FAM171A1: variants seen among roughly 807,000 people sequenced by gnomAD.
FAM171A1 encodes protein FAM171A1.
A neutral mutation model predicts 74.9 loss-of-function variants in FAM171A1; 23 were observed. That is an observed-to-expected ratio of 0.31 (90% CI 0.22 to 0.44). The LOEUF (loss-of-function observed/expected upper bound fraction) is 0.44. Among genes scored for constraint, FAM171A1 ranks in the 20% least tolerant of loss-of-function variants. The probability of loss-of-function intolerance (pLI) is 1.00; values close to 1 mark genes in which losing one functional copy is unlikely to be tolerated. For synonymous variants in FAM171A1, 527 were observed against 505.7 expected (o/e 1.04, Z -0.57); for missense variants, 1,162 against 1,159.2 (o/e 1.00, Z -0.03).
chr10:15,240,374 T>C (rs1329329983), intron 5 of FAM171A1, among the ~76,000 whole-genome samples: 2 of 146,030 alleles, frequency 1.4e-5, no homozygotes, highest in East Asian at 4.1e-4. Context: ...CACACACACA[T>C]AAAATTATTT....
chr10:15,309,844 T>C (rs1452052685), intron 1 of FAM171A1, among the ~76,000 whole-genome samples: 1 of 152,200 alleles, frequency 6.6e-6, no homozygotes, highest in African/African-American at 2.4e-5. Flanking sequence ...CTGCTAATAT[T>C]TAAACACAGC....
At chr10:15,328,479 T>C (rs10752369) in intron 1 of FAM171A1, among the ~76,000 whole-genome samples, 133,768 of 152,264 alleles carry the variant, frequency 0.88, 58,951 homozygotes, top group East Asian at 0.99. Flanking sequence ...CTGAGCTATT[T>C]TGAACAAGAT....
In FAM171A1 at chr10:15,226,754, T is replaced by C. The variant is rs114771050; in HGVS notation, c.755-5694A>G. Among the ~76,000 whole-genome samples, 1,227 of 152,248 alleles carry C rather than the reference T, an allele frequency of 8.1e-3. 17 individuals carry two copies. The highest frequency in any genetic ancestry group is 0.028 in the African/African-American group (1,170 of 41,544). ...TCCTTAAGAATACAGAGGTGGGGATTATAAGTTGTTTGCTCTTGCGCTGAA... is the reference window on the plus strand; with the variant it reads ...TCCTTAAGAATACAGAGGTGGGGATCATAAGTTGTTTGCTCTTGCGCTGAA... On this transcript the variant is annotated intron_variant, in intron 5 of 7. Coordinates refer to ENST00000378116, the MANE Select transcript of FAM171A1 (RefSeq NM_001010924.2).
At chr10:15,221,745 C>T (rs151200988) in intron 5 of FAM171A1, among the ~76,000 whole-genome samples, 4 of 152,074 alleles carry the variant, frequency 2.6e-5, no homozygotes, top group African/African-American at 9.6e-5. Flanking sequence ...ATCTATAATT[C>T]TCACCACAAC....
chr10:15,351,567 C>CGATGGATGGATGGATGGATGGATGGATG (rs757265914), intron 1 of FAM171A1, among the ~76,000 whole-genome samples: 207 of 146,464 alleles, frequency 1.4e-3, no homozygotes, highest in African/African-American at 4.1e-3. Flanking sequence ...AAAGTAGGGA[C>CGATGGATGGATGGATGGATGGATGGATG]GATGGATGGA....
intron 1 of FAM171A1, among the ~76,000 whole-genome samples, chr10:15,327,358 T>A (rs1490246991): frequency 6.6e-6 from 1 of 152,094 alleles, no homozygotes; most frequent in East Asian, 1.9e-4. Context: ...TATAAGAATG[T>A]CACAAATATG....
chr10:15,285,139 G>A (rs1210997268), intron 1 of FAM171A1, among the ~76,000 whole-genome samples: 1 of 152,202 alleles, frequency 6.6e-6, no homozygotes, highest in Non-Finnish European at 1.5e-5. Context: ...CAGCTACAGT[G>A]AAGGAGAGGA....
chr10:15,268,447 G>C (rs1037746647), intron 3 of FAM171A1, among the ~76,000 whole-genome samples: 1 of 152,090 alleles, frequency 6.6e-6, no homozygotes, highest in Admixed American at 6.5e-5. Flanking sequence ...ACAATTCCTC[G>C]AGTTTTGGCC....
intron 1 of FAM171A1, among the ~76,000 whole-genome samples, chr10:15,360,320 A>G (rs1835979136): frequency 6.6e-6 from 1 of 152,208 alleles, no homozygotes; most frequent in Non-Finnish European, 1.5e-5. Context: ...ACCCATGTAA[A>G]TGGTGAGACA....
rs147679713 is a variant in FAM171A1, at chr10:15,213,160, C to T, written c.2428G>A (p.Asp810Asn). Residue 810 changes from aspartate to asparagine, a missense_variant, in exon 8 of 8, where the codon GAC becomes AAC. Physicochemically the swap from Asp to Asn is conservative, Grantham distance 23. Transcript: ENST00000378116. The surrounding 1 kb of genome is among the most constrained non-coding windows in gnomAD (Gnocchi z 6.8). ...TCCAACAAGCATCGCAGGGCACTGT[C>T]CTCGGGGGTACAGACCGTGGTCCCA... The part of the protein sequence containing the change: ...ECGTTVCTPE[D>N]SALRCLLEGS... 22 of 1,614,046 alleles carry T rather than the reference C, an allele frequency of 1.4e-5. No homozygotes were observed. The highest frequency in any genetic ancestry group is 1.7e-6 in the Non-Finnish European group (2 of 1,180,052).
At position 15,256,465 on chromosome 10, in the gene FAM171A1, T is replaced by G. The variant is rs1834581892; in HGVS notation, c.419-1586A>C. Among the ~76,000 whole-genome samples the G allele has an allele frequency of 2.0e-5, 3 of 152,210 alleles. No homozygotes were observed. The South Asian group carries it at 6.2e-4, about 32-fold the overall frequency. ...ACTTCTCCAGGGGCTGGTTCTCCAC[T>G]CTGTGAAATCCAGGCCCAGGTTTAG... On this transcript the variant is annotated intron_variant, in intron 3 of 7. Transcript: ENST00000378116.
At chr10:15,232,915 T>A (rs112672987) in intron 5 of FAM171A1, among the ~76,000 whole-genome samples, 59 of 152,324 alleles carry the variant, frequency 3.9e-4, no homozygotes, top group African/African-American at 1.3e-3. Flanking sequence ...CAGGGTTGCT[T>A]TGGGAATAAT....
chr10:15,258,784 T>C (rs909523426), intron 3 of FAM171A1, among the ~76,000 whole-genome samples: 1 of 152,212 alleles, frequency 6.6e-6, no homozygotes, highest in Non-Finnish European at 1.5e-5. Flanking sequence ...ACTCTGGTTC[T>C]CTCCAGTGTC....
intron 1 of FAM171A1, among the ~76,000 whole-genome samples, chr10:15,349,431 C>T (rs564431469): frequency 1.3e-5 from 2 of 152,314 alleles, no homozygotes; most frequent in East Asian, 3.9e-4. Context: ...TTAAAACAGG[C>T]TCTTCCCACA....
intron 2 of FAM171A1, among the ~76,000 whole-genome samples, chr10:15,280,491 G>A (rs571732369): frequency 1.3e-4 from 20 of 152,228 alleles, no homozygotes; most frequent in Admixed American, 7.9e-4. Flanking sequence ...TGGATGGACT[G>A]CATCTCCTAT....
chr10:15,336,749 T>A (rs1026647932), intron 1 of FAM171A1, among the ~76,000 whole-genome samples: 24 of 152,280 alleles, frequency 1.6e-4, no homozygotes, highest in African/African-American at 5.8e-4. Context: ...AGAACTAACA[T>A]GTTTTCTCAC....
At chr10:15,341,014 T>C (rs893548478) in intron 1 of FAM171A1, among the ~76,000 whole-genome samples, 1 of 152,190 alleles carries the variant, frequency 6.6e-6, no homozygotes, top group Non-Finnish European at 1.5e-5. Flanking sequence ...ATTTGCAATC[T>C]TGTCTATGCC....
intron 7 of FAM171A1, 96 bp from the exon 8 acceptor site, chr10:15,214,697 G>A (rs181232319): frequency 1.4e-6 from 2 of 1,451,478 alleles, no homozygotes; most frequent in Admixed American, 2.6e-5. Context: ...CAATTTCCAT[G>A]GGGAGAGACA....
At chr10:15,230,442 A>G (rs1834190398) in intron 5 of FAM171A1, among the ~76,000 whole-genome samples, 1 of 152,232 alleles carries the variant, frequency 6.6e-6, no homozygotes, top group Admixed American at 6.5e-5. Context: ...TCATAGCTGT[A>G]GGCAAGTACA....
Sources: gnomAD v4.1 joint callset for allele counts (sites outside exome capture counted in the v4.1 genomes callset) on GRCh38, gnomAD v4.1.1 for gene constraint, Gnocchi (gnomAD v3.1) non-coding constraint, MANE v1.5 for transcripts, NCBI Gene and HGNC (gene_info 2026-07-23, HGNC 2026-07-21) for gene names.